CACNA2D3: variants seen among roughly 807,000 people sequenced by gnomAD.
The protein encoded by CACNA2D3 is voltage-dependent calcium channel subunit alpha-2/delta-3.
In CACNA2D3, 60 loss-of-function variants were observed where a neutral mutation model predicts 160.6. That is an observed-to-expected ratio of 0.37 (90% confidence interval 0.30 to 0.46). The LOEUF (loss-of-function observed/expected upper bound fraction) is 0.46, where lower values mean the gene tolerates loss of function less well. Ranked by LOEUF, CACNA2D3 falls within the 20% of genes least tolerant of loss-of-function variation. CACNA2D3 has a pLI of 1.00. For missense variants in CACNA2D3, 1,205 were observed against 1,365.0 expected (o/e 0.88, Z 1.85); for synonymous variants, 558 against 492.9 (o/e 1.13, Z -1.75).
At chr3:54,728,201 T>C (rs1241342611) in intron 11 of CACNA2D3, among the ~76,000 whole-genome samples, 1 of 152,200 alleles carries the variant, frequency 6.6e-6, no homozygotes, top group Non-Finnish European at 1.5e-5. Flanking sequence ...TTAAATTCTT[T>C]AAGAATTCCA....
intron 5 of CACNA2D3, among the ~76,000 whole-genome samples, chr3:54,557,180 A>T (rs937034722): frequency 2.6e-5 from 4 of 152,224 alleles, no homozygotes; most frequent in African/African-American, 4.8e-5. Flanking sequence ...CAAATATTTG[A>T]TCAAATGGGT....
chr3:54,837,431 C>CTTA (rs1698717224), intron 15 of CACNA2D3, among the ~76,000 whole-genome samples: 2 of 152,116 alleles, frequency 1.3e-5, no homozygotes, highest in Non-Finnish European at 2.9e-5. Flanking sequence ...GAGTTGGCAA[C>CTTA]ACCTTTCCAA....
At chr3:54,894,357 C>T (rs1028335283) in intron 25 of CACNA2D3, among the ~76,000 whole-genome samples, 6 of 152,298 alleles carry the variant, frequency 3.9e-5, no homozygotes, top group African/African-American at 4.8e-5. Flanking sequence ...GTGCTGCAGG[C>T]TCCTGCTGGC....
chr3:54,993,808 A>G (rs1378320910), intron 31 of CACNA2D3, among the ~76,000 whole-genome samples: 1 of 146,744 alleles, frequency 6.8e-6, no homozygotes, highest in Non-Finnish European at 1.5e-5. Flanking sequence ...AGCCACCAGT[A>G]GTACCTATCT....
intron 2 of CACNA2D3, among the ~76,000 whole-genome samples, chr3:54,128,325 T>C (rs1375498542): frequency 6.6e-6 from 1 of 152,184 alleles, no homozygotes; most frequent in Non-Finnish European, 1.5e-5. Flanking sequence ...GTAAAAGAAA[T>C]GCGAAACCAT....
intron 6 of CACNA2D3, among the ~76,000 whole-genome samples, chr3:54,569,578 C>G (rs938451519): frequency 5.3e-5 from 8 of 152,210 alleles, no homozygotes; most frequent in African/African-American, 1.9e-4. Context: ...CTCTGCAGGC[C>G]TTTGGAGAAG....
At chr3:54,136,559 G>A (rs1174816362) in intron 2 of CACNA2D3, among the ~76,000 whole-genome samples, 1 of 152,188 alleles carries the variant, frequency 6.6e-6, no homozygotes, top group Admixed American at 6.5e-5. Context: ...AAATCCCTTT[G>A]CTGCTGCATC....
intron 30 of CACNA2D3, among the ~76,000 whole-genome samples, chr3:54,985,456 T>C (rs1176080069): frequency 6.6e-6 from 1 of 152,196 alleles, no homozygotes; most frequent in Non-Finnish European, 1.5e-5. Context: ...AGTTCAACAG[T>C]GCATATAATA....
intron 14 of CACNA2D3, among the ~76,000 whole-genome samples, chr3:54,821,656 C>CTT (rs1306471910): frequency 1.3e-5 from 1 of 77,998 alleles, no homozygotes; most frequent in Admixed American, 1.4e-4. Context: ...TTCTTTCTTT[C>CTT]TTTCTTTCTT....
intron 4 of CACNA2D3, among the ~76,000 whole-genome samples, chr3:54,460,011 C>A (rs1361333011): frequency 2.0e-5 from 3 of 152,046 alleles, no homozygotes; most frequent in Non-Finnish European, 4.4e-5. Flanking sequence ...GTTTTCCCAG[C>A]ACCATTTATT....
At position 54,822,790 on chromosome 3, in the gene CACNA2D3, C is replaced by CTTTCTTTTCTTTCTTTCTTT. The variant is rs1491160047; in HGVS notation, c.1398+5920_1398+5921insTTTCTTTTCTTTCTTTCTTT. The stretch of plus-strand genomic sequence containing the variant: ...TCTTTCTTTCTTTCTTTCTTTCTTT[C>CTTTCTTTTCTTTCTTTCTTT]CTTTCTTTCTTTCTTTCTTTCTTTC... On this transcript the variant is annotated intron_variant, in intron 14 of 37. Coordinates refer to ENST00000474759, the MANE Select transcript of CACNA2D3 (RefSeq NM_018398.3). Among the ~76,000 whole-genome samples, 3 of 71,912 alleles carry CTTTCTTTTCTTTCTTTCTTT rather than the reference C, an allele frequency of 4.2e-5. No homozygotes were observed. The Admixed American group carries it at 4.6e-4, about 11-fold the overall frequency. The allele number at this position is 71,912 out of a possible 152,430, so 47.2% of individuals were successfully genotyped here.
intron 4 of CACNA2D3, among the ~76,000 whole-genome samples, chr3:54,463,657 A>C (rs1298542153): frequency 5.3e-5 from 8 of 152,070 alleles, no homozygotes; most frequent in African/African-American, 1.9e-4. Context: ...TGGTTATTCT[A>C]GTTATACATT....
At chr3:54,347,080 T>C (rs1323213054) in intron 3 of CACNA2D3, among the ~76,000 whole-genome samples, 2 of 152,236 alleles carry the variant, frequency 1.3e-5, no homozygotes, top group East Asian at 3.8e-4. Context: ...ATATTGTTCA[T>C]GGCAGGGGAC....
chr3:54,407,036 T>G (rs956104206), intron 4 of CACNA2D3, among the ~76,000 whole-genome samples: 4 of 152,116 alleles, frequency 2.6e-5, no homozygotes, highest in African/African-American at 9.7e-5. Flanking sequence ...GCTTTTGCCT[T>G]GGGGAAAACT....
intron 4 of CACNA2D3, among the ~76,000 whole-genome samples, chr3:54,455,676 A>T (rs753839964): frequency 6.6e-6 from 1 of 151,946 alleles, no homozygotes; most frequent in Non-Finnish European, 1.5e-5. Flanking sequence ...CATTTCTCCT[A>T]TGGTTTCTTC....
chr3:54,645,733 G>A (rs527773131), intron 11 of CACNA2D3, among the ~76,000 whole-genome samples: 1 of 152,160 alleles, frequency 6.6e-6, no homozygotes, highest in Non-Finnish European at 1.5e-5. Flanking sequence ...CCTTGCCTGA[G>A]CCCTAAACTC....
At chr3:54,831,080 A>T (rs1703867317) in intron 14 of CACNA2D3, among the ~76,000 whole-genome samples, 1 of 152,264 alleles carries the variant, frequency 6.6e-6, no homozygotes, top group African/African-American at 2.4e-5. Context: ...TAAGAGGAGC[A>T]AAATATAGAA....
intron 5 of CACNA2D3, among the ~76,000 whole-genome samples, chr3:54,557,036 C>G (rs187436741): frequency 6.6e-6 from 1 of 151,796 alleles, no homozygotes; most frequent in East Asian, 1.9e-4. Flanking sequence ...TCTGTTTTTT[C>G]TTTTCCTATC....
intron 2 of CACNA2D3, among the ~76,000 whole-genome samples, chr3:54,221,300 T>A (rs1701565818): frequency 6.6e-6 from 1 of 152,246 alleles, no homozygotes; most frequent in Non-Finnish European, 1.5e-5. Flanking sequence ...GGTACCGTCA[T>A]GACTAAAAAT....
Sources: allele counts gnomAD v4.1 joint callset (sites outside exome capture counted in the v4.1 genomes callset), GRCh38; gene constraint gnomAD v4.1.1; transcripts MANE v1.5; gene names NCBI Gene and HGNC (gene_info 2026-07-23, HGNC 2026-07-21).